The following EIF2AK2 variants were observed in gnomAD, a reference collection of about 807,000 sequenced individuals.
The protein encoded by EIF2AK2 is eukaryotic translation initiation factor 2 alpha kinase 2, also known as interferon-induced, double-stranded RNA-activated protein kinase.
A neutral mutation model predicts 70.5 loss-of-function variants in EIF2AK2; 40 were observed. That is an observed-to-expected ratio of 0.57 (90% confidence interval 0.44 to 0.74). EIF2AK2 has a LOEUF of 0.74. Among genes scored for constraint, EIF2AK2 ranks in the 30% least tolerant of loss-of-function variants. The pLI is 0.00. For missense variants in EIF2AK2, 555 were observed against 644.3 expected, an observed-to-expected ratio of 0.86 and a Z score of 1.50; for synonymous variants, 198 against 220.9, an observed-to-expected ratio of 0.90 and a Z score of 0.92.
At chr2:37,145,810 T>C (rs1245635815) in intron 4 of EIF2AK2, among the ~76,000 whole-genome samples, 2 of 126,322 alleles carry the variant, frequency 1.6e-5, no homozygotes, top group East Asian at 2.7e-4. Flanking sequence ...TGGAGTGCAG[T>C]GGCACAACCT....
intron 10 of EIF2AK2, among the ~76,000 whole-genome samples, chr2:37,135,003 T>C (rs905747473): frequency 6.6e-6 from 1 of 152,176 alleles, no homozygotes; most frequent in Non-Finnish European, 1.5e-5. Flanking sequence ...TAACATACTT[T>C]AAAGCTCTTT....
rs70949735 is a variant in EIF2AK2, at chr2:37,153,338, T to TC, written c.-184+3569_-184+3570insG. 8.6e-4 allele frequency among the ~76,000 whole-genome samples: 50 copies of TC among 58,246 alleles called. 1 individual carries two copies. The highest frequency in any genetic ancestry group is 2.1e-3 in the East Asian group (2 of 974). 38.2% of individuals were successfully genotyped at this position (58,246 alleles called of 152,430 possible). A position where few individuals can be genotyped will look rare whatever the true frequency, so the allele number is the denominator to read the frequency against. The stretch of plus-strand genomic sequence containing the variant: ...CCAGTCCTTTCAGTCTCTGCTAATC[T>TC]TTTTTTTTTTTTTTTTTTTTGAGAC... On this transcript the variant is annotated intron_variant, in intron 1 of 16. Coordinates refer to ENST00000233057, the MANE Select transcript of EIF2AK2 (RefSeq NM_001135651.3).
chr2:37,138,107 TC>T (rs1489589888), intron 8 of EIF2AK2, among the ~76,000 whole-genome samples, 162 bp downstream of exon 8: 1 of 100,262 alleles, frequency 1.0e-5, no homozygotes, highest in Non-Finnish European at 1.9e-5. Flanking sequence ...AGACTCCATC[TC>T]AAAAAAAAAA....
intron 14 of EIF2AK2, among the ~76,000 whole-genome samples, chr2:37,112,321 A>G (rs1485491074): frequency 1.3e-5 from 2 of 152,196 alleles, no homozygotes; most frequent in Non-Finnish European, 2.9e-5. Flanking sequence ...CACCACTAAG[A>G]AACTGGGGTC....
intron 6 of EIF2AK2, 58 bp from the exon 7 acceptor site, chr2:37,138,643 G>C: frequency 1.3e-6 from 2 of 1,483,000 alleles, no homozygotes; most frequent in Non-Finnish European, 1.9e-6. Flanking sequence ...TCTCTACAGA[G>C]GCTCAGTTTC....
intron 1 of EIF2AK2, chr2:37,149,375 T>C (rs1558431624): frequency 1.8e-6 from 1 of 549,662 alleles, no homozygotes; most frequent in Non-Finnish European, 3.2e-6. Flanking sequence ...AGATACATTT[T>C]AAGCTTGATT....
At position 37,105,855 on chromosome 2, in the gene EIF2AK2, G is replaced by A. The variant is rs1673947565; in HGVS notation, c.*1418C>T. The A allele has an allele frequency of 6.6e-6, 1 of 152,208 alleles. No homozygotes were observed. Among genetic ancestry groups the A allele is most frequent in the Non-Finnish European group, 1.5e-5 (1 of 68,054 alleles). The allele number at this position is 152,208 out of a possible 1,614,324, so 9.4% of individuals were successfully genotyped here. On this transcript the variant is annotated 3_prime_UTR_variant, in exon 17 of 17. Coordinates refer to ENST00000233057, the MANE Select transcript of EIF2AK2 (RefSeq NM_001135651.3). ...CTAACACCCTGGCATATAGTTGGAAGGCCCACTGGGCTGTCACTTCTAGCC... is the reference window on the plus strand; with the variant it reads ...CTAACACCCTGGCATATAGTTGGAAAGCCCACTGGGCTGTCACTTCTAGCC...
At chr2:37,138,999 G>A (rs1462315918) in intron 6 of EIF2AK2, among the ~76,000 whole-genome samples, 1 of 147,184 alleles carries the variant, frequency 6.8e-6, no homozygotes, top group African/African-American at 2.5e-5. Context: ...GTTTTGCTGT[G>A]TTGCCCCGGC....
intron 10 of EIF2AK2, among the ~76,000 whole-genome samples, chr2:37,135,123 T>A (rs1675082242): frequency 6.6e-6 from 1 of 152,182 alleles, no homozygotes; most frequent in Admixed American, 6.5e-5. Flanking sequence ...GGGGACTAGA[T>A]CTAATAATGG....
At chr2:37,145,758 T>G (rs867879459) in intron 4 of EIF2AK2, among the ~76,000 whole-genome samples, 26 of 85,998 alleles carry the variant, frequency 3.0e-4, no homozygotes, top group African/African-American at 1.1e-3. Flanking sequence ...TTTTTTTTTT[T>G]TTTTTTTTTT....
intron 1 of EIF2AK2, among the ~76,000 whole-genome samples, chr2:37,155,002 G>A (rs1675875230): frequency 6.6e-6 from 1 of 150,844 alleles, no homozygotes; most frequent in South Asian, 2.1e-4. Flanking sequence ...TAGCATCACT[G>A]GGCCCGGTCC....
chr2:37,107,253 G>T lies in EIF2AK2; in HGVS notation c.*20C>A, dbSNP rs1347784498. 6.2e-7 allele frequency: 1 copy of T among 1,603,070 alleles called. No individual in the cohort carries two copies. Among genetic ancestry groups the T allele is most frequent in the Admixed American group, 1.7e-5 (1 of 57,786 alleles). ...AAGGAAAACTGCATATCAGAAGCAGGATACTTTTTCAGAAGGGCTCTAACA... is the reference window on the plus strand; with the variant it reads ...AAGGAAAACTGCATATCAGAAGCAGTATACTTTTTCAGAAGGGCTCTAACA... On this transcript the variant is annotated 3_prime_UTR_variant, in exon 17 of 17. Transcript: ENST00000233057.
In EIF2AK2 at chr2:37,147,691, C is replaced by T. The variant is rs1319751461; in HGVS notation, c.116G>A (p.Arg39Lys). The T allele has an allele frequency of 4.4e-6, 7 of 1,604,958 alleles. No individual in the cohort carries two copies. Among genetic ancestry groups the T allele is most frequent in the Non-Finnish European group, 6.0e-6 (7 of 1,172,442 alleles). Reference sequence around the variant, plus strand: ...ATCATTTTTTATAGCAACCTACCTCCTATCATGTGGAGGTCCTGAATTAGG... The same window carrying T: ...ATCATTTTTTATAGCAACCTACCTCTTATCATGTGGAGGTCCTGAATTAGG... ...ELPNSGPPHD[R>K]RFTFQVIIDG... Residue 39 changes from arginine (R) to lysine (K), a missense_variant, in exon 3 of 17, where the codon AGG (arginine) becomes AAG (lysine). By Grantham distance (26) the Arg-to-Lys change is conservative. This residue lies in a region of EIF2AK2 where 48 missense variants were observed against 77.1 expected (regional missense o/e 0.62). Coordinates refer to ENST00000233057, the MANE Select transcript of EIF2AK2 (RefSeq NM_001135651.3).
chr2:37,126,821 G>A (rs931520619), intron 10 of EIF2AK2, among the ~76,000 whole-genome samples: 3 of 151,934 alleles, frequency 2.0e-5, no homozygotes, highest in Non-Finnish European at 2.9e-5. Context: ...GCCAGGTGTG[G>A]TGGCGAGTGC....
intron 15 of EIF2AK2, among the ~76,000 whole-genome samples, 154 bp from the exon 16 acceptor site, chr2:37,107,681 A>G (rs1402474193): frequency 6.6e-6 from 1 of 151,398 alleles, no homozygotes; most frequent in African/African-American, 2.5e-5. Context: ...CCTCTCTCCT[A>G]CACTACCCCC....
intron 3 of EIF2AK2, among the ~76,000 whole-genome samples, chr2:37,147,349 G>T (rs1439006031): frequency 6.6e-6 from 1 of 151,142 alleles, no homozygotes; most frequent in East Asian, 1.9e-4. Flanking sequence ...AAGTTTTAGG[G>T]TACATGTGCA....
At chr2:37,121,562 A>T (rs1031153043) in intron 12 of EIF2AK2, among the ~76,000 whole-genome samples, 2 of 151,888 alleles carry the variant, frequency 1.3e-5, no homozygotes, top group East Asian at 3.9e-4. Flanking sequence ...ACAATAGGGA[A>T]GGTACTCTAA....
chr2:37,130,175 C>G (rs992972574), intron 10 of EIF2AK2, among the ~76,000 whole-genome samples: 1 of 152,148 alleles, frequency 6.6e-6, no homozygotes, highest in African/African-American at 2.4e-5. Flanking sequence ...AATCTTGGCT[C>G]ACTGCAACTC....
intron 4 of EIF2AK2, among the ~76,000 whole-genome samples, chr2:37,145,141 G>C (rs1169457811): frequency 7.7e-6 from 1 of 129,096 alleles, no homozygotes; most frequent in African/African-American, 2.9e-5. Context: ...GGTTTTGTGG[G>C]TTTTTTTTTT....
Sources: allele counts gnomAD v4.1 joint callset (sites outside exome capture counted in the v4.1 genomes callset), GRCh38; gene constraint gnomAD v4.1.1; regional missense constraint gnomAD v4.1.1; transcripts MANE v1.5; gene names NCBI Gene and HGNC (gene_info 2026-07-23, HGNC 2026-07-21).